Variants in RNF40 observed in about 807,000 individuals in gnomAD.
RNF40 encodes ring finger protein 40.
A neutral mutation model predicts 123.3 loss-of-function variants in RNF40; 39 were observed. The observed-to-expected ratio is 0.32, with a 90% CI of 0.24 to 0.41. RNF40 has a LOEUF of 0.41. Among genes scored for constraint, RNF40 ranks in the 10% least tolerant of loss-of-function variants. The pLI is 1.00. For synonymous variants in RNF40, 538 were observed against 526.0 expected, an observed-to-expected ratio of 1.02 and a Z score of -0.31; for missense variants, 1,003 against 1,319.9, an observed-to-expected ratio of 0.76 and a Z score of 3.72.
intron 17 of RNF40, among the ~76,000 whole-genome samples, chr16:30,771,056 G>A (rs923034760): frequency 3.3e-5 from 5 of 152,130 alleles, no homozygotes; most frequent in African/African-American, 4.8e-5. Context: ...TAGGCCTTGC[G>A]CTGATTGCTG....
chr16:30,775,148 G>C lies in RNF40; in HGVS notation c.*1034G>C, dbSNP rs1462959248. 2 of 386,854 alleles carry C rather than the reference G, an allele frequency of 5.2e-6. No individual in the cohort carries two copies. Among genetic ancestry groups the C allele is most frequent in the East Asian group, 1.5e-4 (2 of 13,362 alleles). The allele number at this position is 386,854 out of a possible 1,614,324, so 24.0% of individuals were successfully genotyped here. ...CTCTGTTCTAGAGATGCTTGTATAG[G>C]CTGTTAATTGTGATGAATAAACGTT... On this transcript the variant is annotated 3_prime_UTR_variant, in exon 20 of 20. Transcript: ENST00000324685.
rs780320670 is a variant in RNF40, at chr16:30,764,222, C to T, written c.486C>T (p.Ala162=). 11 of 1,612,136 alleles carry T rather than the reference C, an allele frequency of 6.8e-6. No homozygotes were observed. The Admixed American group carries it at 1.8e-4, about 27-fold the overall frequency. The change falls in exon 5 of 20, where the codon GCC becomes GCT. Residue 162 remains alanine, a synonymous_variant. Coordinates refer to ENST00000324685, the MANE Select transcript of RNF40 (RefSeq NM_014771.4). The stretch of plus-strand genomic sequence containing the variant: ...TGCGGCCCCCTCTCAGTGAGCCGGC[C>T]TTGGCTTTTGTGGTGGCACTGGGTG... ...MQLRPPLSEP[A]LAFVVALGAS...
rs150302561 is a variant in RNF40 at position 30,764,371 on chromosome 16, G to A, written c.635G>A (p.Arg212Gln). 53 of 1,613,106 alleles carry A rather than the reference G, an allele frequency of 3.3e-5. No individual in the cohort carries two copies. In the East Asian group the frequency reaches 1.0e-3, roughly 31 times the overall value. Residue 212 changes from arginine to glutamine, a missense_variant, in exon 5 of 20, where the codon CGA becomes CAA. Physicochemically the swap from Arg to Gln is conservative, Grantham distance 43 (BLOSUM62 1). Transcript: ENST00000324685. ...LQRRVEELCQ[R>Q]VYSRGDSEPL... ...CGCCGGGTGGAGGAACTCTGTCAGC[G>A]AGTGTACAGCCGAGGTGGGTTCTTT...
At position 30,766,068 on chromosome 16, in the gene RNF40, C is replaced by G; in HGVS notation, c.994-95C>G. On this transcript the variant is annotated intron_variant, in intron 8 of 19. Coordinates refer to ENST00000324685, the MANE Select transcript of RNF40 (RefSeq NM_014771.4). The surrounding 1 kb of genome is among the most constrained non-coding windows in gnomAD (Gnocchi z 5.4). ...TGTCAGAATCGATCATTGCCCTGCA[C>G]GGGGTGCTTGGGGTGGAGTGTATGC... The G allele has an allele frequency of 6.4e-7, 1 of 1,558,586 alleles. No individual in the cohort carries two copies. Among genetic ancestry groups the G allele is most frequent in the South Asian group, 1.1e-5 (1 of 87,578 alleles).
chr16:30,767,701 A>T, intron 11 of RNF40, 193 bp from the exon 12 acceptor site: 1 of 598,082 alleles, frequency 1.7e-6, no homozygotes, highest in Non-Finnish European at 2.9e-6. Flanking sequence ...ATGAATAGGC[A>T]GTGTCAAGTT....
rs768608969 is a variant in RNF40, at chr16:30,768,153, C to T, written c.1602C>T (p.His534=). 3.7e-6 allele frequency: 6 copies of T among 1,609,532 alleles called. No homozygotes were observed. The highest frequency in any genetic ancestry group is 5.1e-6 in the Non-Finnish European group (6 of 1,177,648). ...CCCACTCCACCCCCAACCTGGGCCA[C>T]CCAGAGGATTCTGGCGTCAGTGCCC... is the stretch of plus-strand genomic sequence containing the variant. The part of the protein sequence containing the change: ...GSAHSTPNLG[H]PEDSGVSAPA... The change falls in exon 13 of 20, where the codon CAC becomes CAT. Residue 534 remains histidine, a synonymous_variant. Transcript: ENST00000324685. The surrounding 1 kb of genome is among the most constrained non-coding windows in gnomAD (Gnocchi z 4.1).
At position 30,769,146 on chromosome 16, in the gene RNF40, A is replaced by T. The variant is rs778694260; in HGVS notation, c.2248-40A>T. 1.6e-5 allele frequency: 25 copies of T among 1,607,994 alleles called. No individual in the cohort carries two copies. In the Admixed American group the frequency reaches 4.2e-4, roughly 27 times the overall value. ...TGGTTCCCCCACAGCCATCCTGTCC[A>T]CTTCCCACGTTCCATCTTGTCTCTG... On this transcript the variant is annotated intron_variant, in intron 15 of 19. Coordinates refer to ENST00000324685, the MANE Select transcript of RNF40 (RefSeq NM_014771.4).
At chr16:30,763,721 T>G (rs372635586) in intron 4 of RNF40, among the ~76,000 whole-genome samples, 162 bp downstream of exon 4, 3 of 152,380 alleles carry the variant, frequency 2.0e-5, no homozygotes, top group East Asian at 3.9e-4. Context: ...ACACAGGCTT[T>G]AGACTCTGAC....
In RNF40 at chr16:30,768,601, C is replaced by T. The variant is rs757026157; in HGVS notation, c.1980-18C>T. ...CCAGTCCCACTCACTAAGACTTCCT[C>T]CTGTACCTTCTTGCCAGGAAGGCCC... On this transcript the variant is annotated intron_variant, in intron 13 of 19. Transcript: ENST00000324685. The surrounding 1 kb of genome is among the most constrained non-coding windows in gnomAD (Gnocchi z 4.1). 1.9e-6 allele frequency: 3 copies of T among 1,614,170 alleles called. No homozygotes were observed. Among genetic ancestry groups the T allele is most frequent in the Non-Finnish European group, 1.7e-6 (2 of 1,180,004 alleles).
intron 19 of RNF40, chr16:30,773,723 G>A: frequency 2.1e-6 from 1 of 465,256 alleles, no homozygotes; most frequent in South Asian, 4.6e-5. Context: ...ACTGCCCAGT[G>A]ATGAATCCGG....
intron 19 of RNF40, 62 bp from the exon 20 acceptor site, chr16:30,773,876 G>A (rs2054189331): frequency 6.5e-7 from 1 of 1,542,668 alleles, no homozygotes. Flanking sequence ...TCCTCCTGCT[G>A]TCAGCTTGGG....
At chr16:30,762,759 C>G in intron 2 of RNF40, 82 bp downstream of exon 2, 1 of 1,540,516 alleles carries the variant, frequency 6.5e-7, no homozygotes, top group African/African-American at 1.4e-5. Context: ...GAATCTTACA[C>G]CCACTTCCCC....
chr16:30,765,692 G>C (rs557719708), intron 8 of RNF40, among the ~76,000 whole-genome samples, 193 bp downstream of exon 8: 7 of 152,274 alleles, frequency 4.6e-5, no homozygotes, highest in Admixed American at 3.9e-4. Flanking sequence ...AGGCATATTG[G>C]CGAGAACAAA....
chr16:30,771,972 A>G lies in RNF40; in HGVS notation c.2726A>G (p.Gln909Arg). Residue 909 changes from glutamine to arginine, a missense_variant and splice_region_variant, in exon 18 of 20, where the codon CAG becomes CGG. Physicochemically the swap from Gln to Arg is conservative, Grantham distance 43 (BLOSUM62 1). This residue lies in a region of RNF40 where 121 missense variants were observed against 125.3 expected (regional missense o/e 0.97). Transcript: ENST00000324685. ...GAGAGCTTCAACCTCAAGAGGGCTC[A>G]GGTGTGTGCAGGGGTGAGGGGCCAG... ...EKESFNLKRA[Q>R]EDISRLRRKL... is the part of the protein sequence containing the mutation. 1 of 1,591,540 alleles carries G rather than the reference A, an allele frequency of 6.3e-7. No homozygotes were observed. Among genetic ancestry groups the G allele is most frequent in the Non-Finnish European group, 8.6e-7 (1 of 1,165,822 alleles).
At chr16:30,773,880 G>C (rs912166452) in intron 19 of RNF40, 58 bp from the exon 20 acceptor site, 32 of 1,553,594 alleles carry the variant, frequency 2.1e-5, no homozygotes, top group Admixed American at 2.0e-4. Context: ...CCTGCTGTCA[G>C]CTTGGGGTCT....
At chr16:30,764,786 C>A in intron 5 of RNF40, 152 bp from the exon 6 acceptor site, 1 of 1,113,652 alleles carries the variant, frequency 9.0e-7, no homozygotes, top group Non-Finnish European at 1.3e-6. Context: ...GTTTCCTTCT[C>A]TGTGCAGTGG....
rs775244981 is a variant in RNF40, at chr16:30,774,068, A to G, written c.2960A>G (p.Asn987Ser). The change falls in exon 20 of 20, where the codon AAC becomes AGC. Residue 987 changes from asparagine (N) to serine (S), a missense_variant. Asn to Ser is a conservative substitution (Grantham distance 46). Transcript: ENST00000324685. ...EARQRKCPKC[N>S]AAFGAHDFHR... ...CGCCAGAGGAAGTGCCCCAAGTGCA[A>G]CGCGGCCTTTGGTGCCCACGACTTC... is the stretch of plus-strand genomic sequence containing the variant. The G allele has an allele frequency of 4.3e-6, 7 of 1,613,914 alleles. No homozygotes were observed. The East Asian group carries it at 6.7e-5, about 15-fold the overall frequency.
At chr16:30,767,867 C>T (rs773311698) in intron 11 of RNF40, 27 bp from the exon 12 acceptor site, 1 of 1,614,134 alleles carries the variant, frequency 6.2e-7, no homozygotes, top group Non-Finnish European at 8.5e-7. Context: ...CTGGTTCTGA[C>T]ACCTTTACTT....
chr16:30,772,080 C>T lies in RNF40; in HGVS notation c.2728-9C>T. On this transcript the variant is annotated splice_polypyrimidine_tract_variant and intron_variant, in intron 18 of 19. Coordinates refer to ENST00000324685, the MANE Select transcript of RNF40 (RefSeq NM_014771.4). ...ACCCTTGCCCTTAGCCAGGCCTCTCCTGCCCCAGGAGGACATCTCACGGCT... is the reference window on the plus strand; with the variant it reads ...ACCCTTGCCCTTAGCCAGGCCTCTCTTGCCCCAGGAGGACATCTCACGGCT... 1 of 1,566,452 alleles carries T rather than the reference C, an allele frequency of 6.4e-7. No individual in the cohort carries two copies. The highest frequency in any genetic ancestry group is 8.7e-7 in the Non-Finnish European group (1 of 1,155,482).
Sources: gnomAD v4.1 joint callset for allele counts (sites outside exome capture counted in the v4.1 genomes callset) on GRCh38, gnomAD v4.1.1 for gene constraint, gnomAD v4.1.1 regional missense constraint, Gnocchi (gnomAD v3.1) non-coding constraint, MANE v1.5 for transcripts, NCBI Gene and HGNC (gene_info 2026-07-23, HGNC 2026-07-21) for gene names.